Variants in PRDM16 observed in about 807,000 individuals in gnomAD.
PRDM16 encodes histone-lysine N-methyltransferase PRDM16.
PRDM16 carries 23 observed loss-of-function variants against 110.6 expected under a neutral mutation model. That is an observed-to-expected ratio of 0.21 (90% CI 0.15 to 0.29). PRDM16 has a LOEUF of 0.29. Among genes scored for constraint, PRDM16 ranks in the 10% least tolerant of loss-of-function variants. The pLI is 1.00. For synonymous variants in PRDM16, 799 were observed against 781.8 expected (o/e 1.02, Z -0.37); for missense variants, 1,615 against 1,794.3 (o/e 0.90, Z 1.81).
At chr1:3,414,219 G>C (rs1278232396) in intron 9 of PRDM16, among the ~76,000 whole-genome samples, 1 of 152,224 alleles carries the variant, frequency 6.6e-6, no homozygotes, top group Non-Finnish European at 1.5e-5. Context: ...CCTGCACTTA[G>C]CACCCATGAC....
At position 3,290,811 on chromosome 1, in the gene PRDM16, G is replaced by A. The variant is rs78106493; in HGVS notation, c.438+46674G>A. ...CGAGATCCCTGAAACGGGATACGCCGAGCTGAACTTGGCCACATAATGCCG... is the reference window on the plus strand; with the variant it reads ...CGAGATCCCTGAAACGGGATACGCCAAGCTGAACTTGGCCACATAATGCCG... On this transcript the variant is annotated intron_variant, in intron 3 of 16. Coordinates refer to ENST00000270722, the MANE Select transcript of PRDM16 (RefSeq NM_022114.4). The surrounding 1 kb of genome is among the most constrained non-coding windows in gnomAD (Gnocchi z 4.8). Among the ~76,000 whole-genome samples, 158 of 152,126 alleles carry A rather than the reference G, an allele frequency of 1.0e-3. No homozygotes were observed. Among genetic ancestry groups the A allele is most frequent in the African/African-American group, 3.6e-3 (150 of 41,506 alleles).
intron 2 of PRDM16, among the ~76,000 whole-genome samples, chr1:3,215,583 G>A (rs150777173): frequency 5.1e-4 from 77 of 152,270 alleles, no homozygotes; most frequent in African/African-American, 1.7e-3. Context: ...TCCACCGAGC[G>A]GACCAACCCA....
intron 1 of PRDM16, among the ~76,000 whole-genome samples, chr1:3,138,053 G>T (rs1266631482): frequency 1.3e-5 from 2 of 152,204 alleles, no homozygotes; most frequent in Non-Finnish European, 2.9e-5. Context: ...TTGGAATCCC[G>T]TGTAAGTTCC....
At chr1:3,344,509 A>G (rs112601499) in intron 3 of PRDM16, among the ~76,000 whole-genome samples, 562 of 152,340 alleles carry the variant, frequency 3.7e-3, no homozygotes, top group Non-Finnish European at 6.0e-3. Flanking sequence ...TGATTCTAAC[A>G]TCTGGCTCAT....
At chr1:3,330,157 G>A (rs1642014065) in intron 3 of PRDM16, among the ~76,000 whole-genome samples, 1 of 152,218 alleles carries the variant, frequency 6.6e-6, no homozygotes, top group Non-Finnish European at 1.5e-5. Context: ...ATCAAATGGT[G>A]GAGTTTAACT....
intron 4 of PRDM16, among the ~76,000 whole-genome samples, chr1:3,388,393 T>C (rs1481656033): frequency 6.6e-6 from 1 of 152,126 alleles, no homozygotes; most frequent in Admixed American, 6.6e-5. Flanking sequence ...TATCTGAACA[T>C]CCGAGCTCCG....
chr1:3,243,646 C>T lies in PRDM16; in HGVS notation c.388-441C>T, dbSNP rs544675562. Among the ~76,000 whole-genome samples, 2 of 152,344 alleles carry T rather than the reference C, an allele frequency of 1.3e-5. No individual in the cohort carries two copies. Among genetic ancestry groups the T allele is most frequent in the East Asian group, 1.9e-4 (1 of 5,180 alleles). On this transcript the variant is annotated intron_variant, in intron 2 of 16. Transcript: ENST00000270722. The surrounding 1 kb of genome is among the most constrained non-coding windows in gnomAD (Gnocchi z 5.5). ...ACCTAGGCCAAGTTACGTCTAAATA[C>T]ACGTGGTGTGATTCGCCGGCGGAAC...
At chr1:3,336,272 A>G (rs115109314) in intron 3 of PRDM16, among the ~76,000 whole-genome samples, 151 of 152,022 alleles carry the variant, frequency 9.9e-4, no homozygotes, top group African/African-American at 3.4e-3. Context: ...AGGTGTAGGC[A>G]TGTTTATCTC....
chr1:3,254,224 G>A (rs1401528337), intron 3 of PRDM16, among the ~76,000 whole-genome samples: 3 of 152,126 alleles, frequency 2.0e-5, no homozygotes, highest in Admixed American at 6.5e-5. Flanking sequence ...GATCCCATTT[G>A]TCAATTTTGG....
At chr1:3,305,450 G>C (rs964070468) in intron 3 of PRDM16, among the ~76,000 whole-genome samples, 4 of 152,224 alleles carry the variant, frequency 2.6e-5, no homozygotes, top group Non-Finnish European at 5.9e-5. Flanking sequence ...CCGATCCATG[G>C]TTACTGCCCA....
At chr1:3,430,252 C>T (rs146354906) in intron 14 of PRDM16, among the ~76,000 whole-genome samples, 7 of 152,282 alleles carry the variant, frequency 4.6e-5, no homozygotes, top group South Asian at 2.1e-4. Flanking sequence ...ACTGAGGAAC[C>T]GGAGTGGAGG....
At position 3,431,518 on chromosome 1, in the gene PRDM16, T is replaced by C. The variant is rs149761594; in HGVS notation, c.3521+410T>C. Among the ~76,000 whole-genome samples, 1,237 of 152,346 alleles carry C rather than the reference T, an allele frequency of 8.1e-3. 22 individuals are homozygous for C. The highest frequency in any genetic ancestry group is 0.025 in the African/African-American group (1,039 of 41,588). Reference sequence around the variant, plus strand: ...GGGCCACTTCCCCATGTCCTCAGTGTTCGCCACCAATATCGGGCCTGGGCG... The same window carrying C: ...GGGCCACTTCCCCATGTCCTCAGTGCTCGCCACCAATATCGGGCCTGGGCG... On this transcript the variant is annotated intron_variant, in intron 15 of 16. Coordinates refer to ENST00000270722, the MANE Select transcript of PRDM16 (RefSeq NM_022114.4).
chr1:3,320,782 C>A (rs527995657), intron 3 of PRDM16, among the ~76,000 whole-genome samples: 2 of 152,234 alleles, frequency 1.3e-5, no homozygotes, highest in Non-Finnish European at 2.9e-5. Context: ...CTCACACAGC[C>A]CAGCTGCTGC....
chr1:3,212,346 G>A (rs534876164), intron 2 of PRDM16, among the ~76,000 whole-genome samples: 11 of 152,254 alleles, frequency 7.2e-5, no homozygotes, highest in African/African-American at 2.4e-4. Flanking sequence ...AGGTGATCTT[G>A]ACACCCCTCT....
rs1213963930 is a variant in PRDM16, at chr1:3,069,567, C to T, written c.37+271C>T. On this transcript the variant is annotated intron_variant, in intron 1 of 16. Coordinates refer to ENST00000270722, the MANE Select transcript of PRDM16 (RefSeq NM_022114.4). The surrounding 1 kb of genome is among the most constrained non-coding windows in gnomAD (Gnocchi z 6.1). ...CCTCCCCCCCCACCAGTGTCAGGCG[C>T]TCGGGCCCGGGAACCCGAGGCGCGC... 1.3e-5 allele frequency among the ~76,000 whole-genome samples: 2 copies of T among 149,304 alleles called. No individual in the cohort carries two copies. The highest frequency in any genetic ancestry group is 4.9e-5 in the African/African-American group (2 of 41,124).
chr1:3,165,538 TGGGCTCAGGGACAGGGACTCACCA>T (rs1643943525), intron 1 of PRDM16, among the ~76,000 whole-genome samples: 2 of 114,442 alleles, frequency 1.7e-5, no homozygotes, highest in Admixed American at 8.2e-5. Context: ...GTGACTCACC[TGGGCTCAGGGACAGGGACTCACCA>T]GGGCTCAGGG....
At chr1:3,169,256 A>T (rs1643996720) in intron 1 of PRDM16, among the ~76,000 whole-genome samples, 1 of 152,176 alleles carries the variant, frequency 6.6e-6, no homozygotes, top group Non-Finnish European at 1.5e-5. Flanking sequence ...AACAAACCTC[A>T]TAAAAATGTG....
In PRDM16 at chr1:3,388,863, G is replaced by A. The variant is rs187320609; in HGVS notation, c.573+3577G>A. ...TGGCCTTCACTGGATGTGGGTTGCT[G>A]TGCATTCAGATGGGGTCTGGGGGCA... On this transcript the variant is annotated intron_variant, in intron 4 of 16. Coordinates refer to ENST00000270722, the MANE Select transcript of PRDM16 (RefSeq NM_022114.4). Among the ~76,000 whole-genome samples, 190 of 152,330 alleles carry A rather than the reference G, an allele frequency of 1.2e-3. 1 individual carries two copies. The South Asian group carries it at 0.03, about 24-fold the overall frequency.
chr1:3,373,797 C>T (rs562484895), intron 3 of PRDM16, among the ~76,000 whole-genome samples: 6 of 152,334 alleles, frequency 3.9e-5, no homozygotes, highest in Admixed American at 6.5e-5. Context: ...GCCCAGCCAA[C>T]GCGTGCTGCC....
Sources: allele counts gnomAD v4.1 joint callset (sites outside exome capture counted in the v4.1 genomes callset), GRCh38; gene constraint gnomAD v4.1.1; non-coding constraint Gnocchi (gnomAD v3.1); transcripts MANE v1.5; gene names NCBI Gene and HGNC (gene_info 2026-07-23, HGNC 2026-07-21).